The following GRM8 variants were observed in gnomAD, a reference collection of about 807,000 sequenced individuals.
The protein encoded by GRM8 is metabotropic glutamate receptor 8.
GRM8 carries 47 observed loss-of-function variants against 87.2 expected under a neutral mutation model. The ratio of observed to expected loss-of-function variants is 0.54; its 90% CI spans 0.43 to 0.69. GRM8 has a LOEUF of 0.69. Among genes scored for constraint, GRM8 ranks in the 30% least tolerant of loss-of-function variants. The pLI is 0.00. For synonymous variants in GRM8, 396 were observed against 404.5 expected, an observed-to-expected ratio of 0.98 and a Z score of 0.25; for missense variants, 1,019 against 1,139.2, an observed-to-expected ratio of 0.89 and a Z score of 1.52.
At chr7:126,891,467 C>A (rs1028372538) in intron 6 of GRM8, among the ~76,000 whole-genome samples, 2 of 151,966 alleles carry the variant, frequency 1.3e-5, no homozygotes, top group African/African-American at 4.8e-5. Context: ...AAACATTTTT[C>A]AACTGCCTCT....
At chr7:126,518,160 G>T (rs532640341) in intron 9 of GRM8, among the ~76,000 whole-genome samples, 1 of 152,124 alleles carries the variant, frequency 6.6e-6, no homozygotes, top group East Asian at 1.9e-4. Flanking sequence ...GCAGTATGAG[G>T]AAAACGTGGT....
chr7:126,675,842 G>GC (rs1806902106), intron 7 of GRM8, among the ~76,000 whole-genome samples: 1 of 152,154 alleles, frequency 6.6e-6, no homozygotes, highest in Admixed American at 6.5e-5. Context: ...AGATCAGGAT[G>GC]CCCACTTTCA....
chr7:126,871,382 G>A (rs1409703214), intron 6 of GRM8, among the ~76,000 whole-genome samples: 5 of 152,080 alleles, frequency 3.3e-5, no homozygotes, highest in East Asian at 1.9e-4. Flanking sequence ...TAGACGTTCC[G>A]GAGTGCCTTA....
intron 2 of GRM8, among the ~76,000 whole-genome samples, chr7:127,147,028 T>A (rs571828323): frequency 2.2e-4 from 34 of 152,196 alleles, no homozygotes; most frequent in Middle Eastern, 3.4e-3. Flanking sequence ...TAGGAAAGCA[T>A]CTCTCCGTAA....
At chr7:127,009,499 T>C (rs1814659994) in intron 3 of GRM8, among the ~76,000 whole-genome samples, 1 of 152,102 alleles carries the variant, frequency 6.6e-6, no homozygotes, top group Non-Finnish European at 1.5e-5. Flanking sequence ...ACTCAGTAAG[T>C]GGTACCTCAT....
chr7:126,691,198 T>A (rs929182568), intron 7 of GRM8, among the ~76,000 whole-genome samples: 6 of 152,220 alleles, frequency 3.9e-5, no homozygotes, highest in African/African-American at 9.6e-5. Flanking sequence ...TGCTGGTCAG[T>A]GCCCAAAGTC....
chr7:127,131,897 G>A (rs1305350757), intron 2 of GRM8, among the ~76,000 whole-genome samples: 1 of 151,936 alleles, frequency 6.6e-6, no homozygotes, highest in Non-Finnish European at 1.5e-5. Flanking sequence ...AACCTATACA[G>A]CTCTGAACTC....
chr7:127,082,648 C>T (rs1006978112), intron 3 of GRM8, among the ~76,000 whole-genome samples: 2 of 152,194 alleles, frequency 1.3e-5, no homozygotes, highest in Non-Finnish European at 2.9e-5. Context: ...GGGAAAGTAA[C>T]AATCTTAGCT....
At chr7:126,947,387 T>C (rs190040449) in intron 3 of GRM8, among the ~76,000 whole-genome samples, 135 of 152,278 alleles carry the variant, frequency 8.9e-4, no homozygotes, top group African/African-American at 3.2e-3. Flanking sequence ...TTGTTTTAGT[T>C]GTAGAGATCA....
intron 6 of GRM8, among the ~76,000 whole-genome samples, chr7:126,816,487 A>C (rs1233312130): frequency 1.3e-5 from 2 of 152,160 alleles, no homozygotes; most frequent in Non-Finnish European, 2.9e-5. Flanking sequence ...AAGTAAATAG[A>C]CCTTAAAATC....
intron 1 of GRM8, among the ~76,000 whole-genome samples, chr7:127,250,398 G>A (rs1798800490): frequency 6.6e-6 from 1 of 152,168 alleles, no homozygotes. Flanking sequence ...AATCCAAACA[G>A]AACAAATTGA....
At chr7:126,878,367 A>G (rs1228763533) in intron 6 of GRM8, among the ~76,000 whole-genome samples, 6 of 152,138 alleles carry the variant, frequency 3.9e-5, no homozygotes, top group Non-Finnish European at 8.8e-5. Context: ...TCACATTGCT[A>G]TTTAGTAACA....
chr7:126,595,249 T>G (rs1355932875), intron 8 of GRM8, among the ~76,000 whole-genome samples: 1 of 151,910 alleles, frequency 6.6e-6, no homozygotes, highest in Non-Finnish European at 1.5e-5. Flanking sequence ...TTTTTGTTTT[T>G]GAGAAAGGAT....
intron 2 of GRM8, among the ~76,000 whole-genome samples, chr7:127,126,708 A>G (rs17866213): frequency 0.1 from 15,549 of 151,944 alleles, 2,676 homozygotes; most frequent in African/African-American, 0.35. Flanking sequence ...AAAAGACACA[A>G]AAAGCACAGT....
intron 3 of GRM8, among the ~76,000 whole-genome samples, chr7:127,095,448 A>G (rs1406633610): frequency 6.6e-6 from 1 of 152,236 alleles, no homozygotes; most frequent in African/African-American, 2.4e-5. Context: ...CACTGATTGC[A>G]TGTAAGAGAA....
intron 3 of GRM8, among the ~76,000 whole-genome samples, chr7:126,993,304 A>T (rs935980656): frequency 6.6e-6 from 1 of 152,216 alleles, no homozygotes; most frequent in Admixed American, 6.5e-5. Context: ...AGGTAAATGG[A>T]TAAACAAAAT....
chr7:126,632,252 C>T (rs79387816), intron 7 of GRM8, among the ~76,000 whole-genome samples: 4,111 of 152,116 alleles, frequency 0.027, 73 homozygotes, highest in Non-Finnish European at 0.046. Flanking sequence ...AAGAAAAGAC[C>T]TATGTGCAGC....
chr7:126,947,406 G>A (rs1218610945), intron 3 of GRM8, among the ~76,000 whole-genome samples: 4 of 152,116 alleles, frequency 2.6e-5, no homozygotes, highest in Admixed American at 2.6e-4. Context: ...CAAATGCTTG[G>A]TGCAGCAGAA....
At chr7:126,764,438 G>T (rs763939059) in intron 7 of GRM8, among the ~76,000 whole-genome samples, 1 of 151,924 alleles carries the variant, frequency 6.6e-6, no homozygotes, top group African/African-American at 2.4e-5. Flanking sequence ...TAGCATGATT[G>T]TAGTATATTT....
Sources: allele counts gnomAD v4.1 joint callset (sites outside exome capture counted in the v4.1 genomes callset), GRCh38; gene constraint gnomAD v4.1.1; transcripts MANE v1.5; gene names NCBI Gene and HGNC (gene_info 2026-07-23, HGNC 2026-07-21).